The following LARGE1 variants were observed in gnomAD, a reference collection of about 807,000 sequenced individuals.
LARGE1 encodes the protein LARGE xylosyl- and glucuronyltransferase 1.
Under a neutral mutation model 87.6 loss-of-function variants are expected in LARGE1, and 43 were observed. The observed-to-expected ratio is 0.49, with a 90% confidence interval of 0.38 to 0.63. The LOEUF is 0.63. Ranked by LOEUF, LARGE1 falls within the 30% of genes least tolerant of loss-of-function variation. The pLI is 0.00. For missense variants in LARGE1, 802 were observed against 1,000.2 expected (o/e 0.80, Z 2.67); for synonymous variants, 434 against 394.6 (o/e 1.10, Z -1.18).
chr22:33,812,506 C>T (rs1039773567), intron 1 of LARGE1, among the ~76,000 whole-genome samples: 1 of 152,260 alleles, frequency 6.6e-6, no homozygotes, highest in African/African-American at 2.4e-5. Context: ...CAAACCAGAG[C>T]CTCCTGCTGT....
At chr22:33,343,232 G>C (rs1432317466) in intron 9 of LARGE1, among the ~76,000 whole-genome samples, 1 of 152,022 alleles carries the variant, frequency 6.6e-6, no homozygotes, top group Non-Finnish European at 1.5e-5. Flanking sequence ...AGACTCAAGT[G>C]ATCCTTCCCC....
chr22:33,405,025 T>C (rs114238263), intron 7 of LARGE1, among the ~76,000 whole-genome samples: 198 of 152,296 alleles, frequency 1.3e-3, no homozygotes, highest in African/African-American at 4.6e-3. Context: ...ATAAAGGAGT[T>C]TGCTGTCCTC....
chr22:33,793,281 A>C (rs2085879919), intron 1 of LARGE1, among the ~76,000 whole-genome samples: 2 of 152,168 alleles, frequency 1.3e-5, no homozygotes, highest in Non-Finnish European at 2.9e-5. Flanking sequence ...GGAGGAGAAA[A>C]GGAAACAGCC....
chr22:33,559,361 T>C lies in LARGE1; in HGVS notation c.787+5487A>G, dbSNP rs76362367. On this transcript the variant is annotated intron_variant, in intron 6 of 14. Coordinates refer to ENST00000397394, the MANE Select transcript of LARGE1 (RefSeq NM_133642.5). ...CACGCCCAGCTAGTTTTTGTATTTT[T>C]AGTAGAGACGGGGTTTCGCCATGTT... is the stretch of plus-strand genomic sequence containing the variant. Among the ~76,000 whole-genome samples the C allele has an allele frequency of 1.4e-3, 220 of 152,308 alleles. 3 individuals carry two copies. In the East Asian group the frequency reaches 0.037, roughly 26 times the overall value.
intron 1 of LARGE1, among the ~76,000 whole-genome samples, chr22:33,853,103 C>G (rs932937056): frequency 4.6e-5 from 7 of 151,834 alleles, no homozygotes; most frequent in Non-Finnish European, 4.4e-5. Context: ...GAAATTAATC[C>G]AAAGGGAAAT....
At chr22:33,347,763 C>G (rs751582165) in intron 9 of LARGE1, among the ~76,000 whole-genome samples, 41 of 152,180 alleles carry the variant, frequency 2.7e-4, no homozygotes, top group Non-Finnish European at 5.7e-4. Context: ...ATCACAGAGA[C>G]AGCCCCTCAT....
intron 11 of LARGE1, among the ~76,000 whole-genome samples, chr22:33,201,333 A>T (rs1433032156): frequency 1.1e-5 from 1 of 90,984 alleles, no homozygotes; most frequent in Non-Finnish European, 2.3e-5. Context: ...AGAGAAAGAG[A>T]GAGAGAAAGA....
intron 6 of LARGE1, among the ~76,000 whole-genome samples, chr22:33,543,965 T>G (rs1377941079): frequency 1.3e-5 from 2 of 152,260 alleles, no homozygotes; most frequent in Non-Finnish European, 2.9e-5. Flanking sequence ...CATAAACACC[T>G]GCTTTCCTTC....
At chr22:33,264,209 C>G (rs568016536) in intron 11 of LARGE1, among the ~76,000 whole-genome samples, 1 of 152,286 alleles carries the variant, frequency 6.6e-6, no homozygotes, top group South Asian at 2.1e-4. Flanking sequence ...GCCAGAGGGA[C>G]AAGGCTAGAG....
chr22:33,080,658 T>C, the LARGE1 span, among the ~76,000 whole-genome samples: 1 of 152,162 alleles, frequency 6.6e-6, no homozygotes, highest in East Asian at 1.9e-4. Context: ...ATATCATATA[T>C]AATTATTAGC....
chr22:33,255,956 C>T (rs1284509887), intron 11 of LARGE1, among the ~76,000 whole-genome samples: 1 of 152,150 alleles, frequency 6.6e-6, no homozygotes, highest in East Asian at 1.9e-4. Context: ...CCTGGGGTTT[C>T]CTCTCTTCAC....
chr22:33,236,890 A>G (rs751790975), intron 11 of LARGE1, among the ~76,000 whole-genome samples: 2 of 152,236 alleles, frequency 1.3e-5, no homozygotes, highest in Non-Finnish European at 2.9e-5. Flanking sequence ...CCTTCTGAAC[A>G]TGCCTGTATA....
intron 11 of LARGE1, among the ~76,000 whole-genome samples, chr22:33,247,193 T>C (rs934224002): frequency 5.9e-5 from 9 of 152,112 alleles, no homozygotes; most frequent in Non-Finnish European, 1.2e-4. Context: ...CAAAATGTTC[T>C]TTTTTAAAAA....
chr22:33,509,601 C>T (rs1195351480), intron 6 of LARGE1, among the ~76,000 whole-genome samples: 1 of 152,024 alleles, frequency 6.6e-6, no homozygotes, highest in Non-Finnish European at 1.5e-5. Flanking sequence ...CAGGTGCATG[C>T]CACCATACCC....
chr22:33,399,385 T>C (rs1197632940), intron 7 of LARGE1, among the ~76,000 whole-genome samples: 3 of 152,222 alleles, frequency 2.0e-5, no homozygotes, highest in Admixed American at 6.5e-5. Flanking sequence ...CAGTCTGTCA[T>C]TGATGGGCAT....
chr22:33,524,144 A>G (rs186546691), intron 6 of LARGE1, among the ~76,000 whole-genome samples: 96 of 152,104 alleles, frequency 6.3e-4, no homozygotes, highest in African/African-American at 2.3e-3. Flanking sequence ...TACAAAAATT[A>G]GCAGGGCGTG....
chr22:33,609,767 G>A (rs558950287), intron 4 of LARGE1, among the ~76,000 whole-genome samples: 1 of 152,050 alleles, frequency 6.6e-6, no homozygotes, highest in African/African-American at 2.4e-5. Context: ...GTTAGTGTTT[G>A]GGTCATGGGG....
At chr22:33,495,827 T>C (rs747952101) in intron 6 of LARGE1, among the ~76,000 whole-genome samples, 5 of 152,212 alleles carry the variant, frequency 3.3e-5, no homozygotes, top group Admixed American at 3.3e-4. Flanking sequence ...AGACTCTAAC[T>C]GGATCTGCTG....
intron 6 of LARGE1, among the ~76,000 whole-genome samples, chr22:33,445,276 A>T (rs986205879): frequency 3.9e-5 from 6 of 152,174 alleles, no homozygotes; most frequent in Non-Finnish European, 8.8e-5. Flanking sequence ...CCACATATGA[A>T]TTTTGGGGGA....
Sources: gnomAD v4.1 joint callset for allele counts (sites outside exome capture counted in the v4.1 genomes callset) on GRCh38, gnomAD v4.1.1 for gene constraint, MANE v1.5 for transcripts, NCBI Gene and HGNC (gene_info 2026-07-23, HGNC 2026-07-21) for gene names.